The following CNTNAP2 variants were observed in gnomAD, a reference collection of about 807,000 sequenced individuals.
CNTNAP2 encodes the protein contactin-associated protein-like 2.
A neutral mutation model predicts 155.2 loss-of-function variants in CNTNAP2; 98 were observed. The observed-to-expected ratio is 0.63, with a 90% CI of 0.54 to 0.75. The LOEUF (loss-of-function observed/expected upper bound fraction) is 0.75. Among genes scored for constraint, CNTNAP2 ranks in the 30% least tolerant of loss-of-function variants. The pLI is 0.00. For missense variants in CNTNAP2, 1,727 were observed against 1,688.1 expected (o/e 1.02, Z -0.40); for synonymous variants, 651 against 631.2 (o/e 1.03, Z -0.47).
chr7:148,148,853 G>A (rs1430197317), intron 17 of CNTNAP2, among the ~76,000 whole-genome samples: 1 of 152,152 alleles, frequency 6.6e-6, no homozygotes, highest in African/African-American at 2.4e-5. Context: ...CATCAGCTGG[G>A]GCTATAAAAG....
chr7:146,229,436 T>A (rs1332441069), intron 1 of CNTNAP2, among the ~76,000 whole-genome samples: 1 of 152,192 alleles, frequency 6.6e-6, no homozygotes, highest in Non-Finnish European at 1.5e-5. Flanking sequence ...TTCTTTGTAA[T>A]CTCTCTGCTC....
At chr7:148,354,568 T>C (rs1269273500) in intron 21 of CNTNAP2, among the ~76,000 whole-genome samples, 2 of 151,920 alleles carry the variant, frequency 1.3e-5, no homozygotes, top group African/African-American at 4.8e-5. Context: ...CCTCAGGAGC[T>C]CAAAAGAAGA....
chr7:146,898,275 C>T (rs1795918688), intron 3 of CNTNAP2, among the ~76,000 whole-genome samples: 1 of 151,680 alleles, frequency 6.6e-6, no homozygotes, highest in Non-Finnish European at 1.5e-5. Context: ...CAGAATTGGC[C>T]AGGAAGGTAA....
At chr7:147,699,474 T>C (rs1013382724) in intron 13 of CNTNAP2, among the ~76,000 whole-genome samples, 6 of 151,796 alleles carry the variant, frequency 4.0e-5, no homozygotes, top group African/African-American at 1.5e-4. Context: ...AGGGGAGAGA[T>C]AGCATTAGGA....
intron 12 of CNTNAP2, among the ~76,000 whole-genome samples, chr7:147,596,480 C>T (rs1444513712): frequency 6.6e-6 from 1 of 152,062 alleles, no homozygotes; most frequent in Non-Finnish European, 1.5e-5. Flanking sequence ...TTTTGCTTCC[C>T]TGCTTAAAAC....
chr7:147,854,674 C>G (rs1183872329), intron 13 of CNTNAP2, among the ~76,000 whole-genome samples: 1 of 152,110 alleles, frequency 6.6e-6, no homozygotes, highest in Non-Finnish European at 1.5e-5. Context: ...CGTAATATGG[C>G]TACTGTGACA....
intron 1 of CNTNAP2, among the ~76,000 whole-genome samples, chr7:146,611,916 A>G (rs1799144854): frequency 6.6e-6 from 1 of 152,196 alleles, no homozygotes; most frequent in Non-Finnish European, 1.5e-5. Flanking sequence ...CAGACTTTTC[A>G]ATATTGAAAG....
chr7:146,726,726 T>C (rs1225648398), intron 1 of CNTNAP2, among the ~76,000 whole-genome samples: 1 of 152,164 alleles, frequency 6.6e-6, no homozygotes, highest in Non-Finnish European at 1.5e-5. Context: ...TAGAGTGGTG[T>C]AAAGAGTAGT....
chr7:146,367,362 T>A lies in CNTNAP2; in HGVS notation c.97+250389T>A, dbSNP rs1264526371. Among the ~76,000 whole-genome samples the A allele has an allele frequency of 7.2e-5, 11 of 152,268 alleles. No homozygotes were observed. In the East Asian group the frequency reaches 2.1e-3, roughly 29 times the overall value. On this transcript the variant is annotated intron_variant, in intron 1 of 23. Transcript: ENST00000361727. ...TACATTTCATTCTATGCCTGCATGATTCAGAAAAATAAAACAAAAACATGT... is the reference window on the plus strand; with the variant it reads ...TACATTTCATTCTATGCCTGCATGAATCAGAAAAATAAAACAAAAACATGT...
At chr7:148,121,250 G>T (rs2116613363) in intron 16 of CNTNAP2, among the ~76,000 whole-genome samples, 1 of 152,122 alleles carries the variant, frequency 6.6e-6, no homozygotes, top group East Asian at 1.9e-4. Context: ...GGCCAGGCTG[G>T]TCTCGAACTC....
At chr7:147,354,817 A>T (rs531267882) in intron 9 of CNTNAP2, among the ~76,000 whole-genome samples, 2 of 152,050 alleles carry the variant, frequency 1.3e-5, no homozygotes, top group African/African-American at 2.4e-5. Flanking sequence ...TTCCTTGAGC[A>T]GTGGTTTGTA....
chr7:147,616,624 T>TC (rs1801299145), intron 12 of CNTNAP2, among the ~76,000 whole-genome samples: 1 of 152,198 alleles, frequency 6.6e-6, no homozygotes, highest in South Asian at 2.1e-4. Flanking sequence ...TATTAGGATC[T>TC]CCCTTACCAA....
intron 10 of CNTNAP2, among the ~76,000 whole-genome samples, chr7:147,446,703 A>G (rs1156249414): frequency 6.6e-6 from 1 of 152,254 alleles, no homozygotes; most frequent in African/African-American, 2.4e-5. Context: ...ATTCAGTTAA[A>G]TTATTTCTCT....
At chr7:147,705,196 T>C (rs1243281667) in intron 13 of CNTNAP2, among the ~76,000 whole-genome samples, 2 of 152,102 alleles carry the variant, frequency 1.3e-5, no homozygotes, top group Non-Finnish European at 2.9e-5. Context: ...TAGGTGTTTA[T>C]GGCTATAAAT....
chr7:147,185,261 A>G (rs1422924206), intron 8 of CNTNAP2, among the ~76,000 whole-genome samples: 5 of 152,194 alleles, frequency 3.3e-5, no homozygotes, highest in African/African-American at 1.2e-4. Context: ...CATAAAGACC[A>G]ATTGGTATAA....
chr7:147,727,762 T>TC (rs1554427188), intron 13 of CNTNAP2, among the ~76,000 whole-genome samples: 1 of 151,096 alleles, frequency 6.6e-6, no homozygotes. Context: ...TTTTTTTTTT[T>TC]CCTGCGCTCA....
At chr7:146,458,855 C>G (rs1021670829) in intron 1 of CNTNAP2, among the ~76,000 whole-genome samples, 2 of 152,250 alleles carry the variant, frequency 1.3e-5, no homozygotes. Flanking sequence ...ATGCTCACTG[C>G]AGATTTAGGA....
chr7:147,729,339 A>T (rs1796698099), intron 13 of CNTNAP2, among the ~76,000 whole-genome samples: 1 of 151,786 alleles, frequency 6.6e-6, no homozygotes, highest in South Asian at 2.1e-4. Context: ...TAGATGTTAG[A>T]AGTCTAAAGG....
chr7:146,200,292 G>A (rs180824019), intron 1 of CNTNAP2, among the ~76,000 whole-genome samples: 4 of 151,962 alleles, frequency 2.6e-5, no homozygotes, highest in Admixed American at 6.6e-5. Flanking sequence ...TCAAGAGATC[G>A]AAACCATCCT....
Sources: allele counts gnomAD v4.1 joint callset (sites outside exome capture counted in the v4.1 genomes callset), GRCh38; gene constraint gnomAD v4.1.1; transcripts MANE v1.5; gene names NCBI Gene and HGNC (gene_info 2026-07-23, HGNC 2026-07-21).